ARHGEF3: variants seen among roughly 807,000 people sequenced by gnomAD.
ARHGEF3 encodes the protein 59.8 kDA protein.
In ARHGEF3, 28 loss-of-function variants were observed where a neutral mutation model predicts 63.2. The ratio of observed to expected loss-of-function variants is 0.44; its 90% confidence interval spans 0.33 to 0.61. The LOEUF (loss-of-function observed/expected upper bound fraction) is 0.61, where lower values mean the gene tolerates loss of function less well. ARHGEF3 is among the 20% of genes least tolerant of loss of function. The pLI, the probability that ARHGEF3 is intolerant of heterozygous loss-of-function variation, is 0.03. For synonymous variants in ARHGEF3, 266 were observed against 254.2 expected, an observed-to-expected ratio of 1.05 and a Z score of -0.44; for missense variants, 533 against 659.3, an observed-to-expected ratio of 0.81 and a Z score of 2.10.
At chr3:57,078,115 CTT>C (rs976472271) in intron 1 of ARHGEF3, among the ~76,000 whole-genome samples, 1 of 152,210 alleles carries the variant, frequency 6.6e-6, no homozygotes, top group Non-Finnish European at 1.5e-5. Context: ...CTATACAACT[CTT>C]TAAGGTTTGT....
intron 3 of ARHGEF3, among the ~76,000 whole-genome samples, chr3:56,899,485 A>C (rs560356725): frequency 6.6e-6 from 1 of 152,196 alleles, no homozygotes; most frequent in Non-Finnish European, 1.5e-5. Context: ...AATAGCACCT[A>C]GTTAGAATTT....
chr3:56,788,223 G>C (rs2036918107), intron 1 of ARHGEF3, among the ~76,000 whole-genome samples: 1 of 152,152 alleles, frequency 6.6e-6, no homozygotes, highest in Admixed American at 6.5e-5. Flanking sequence ...CGGGCATCCA[G>C]CATCAGGGAG....
chr3:56,966,263 T>C (rs1372988780), intron 2 of ARHGEF3, among the ~76,000 whole-genome samples: 1 of 152,122 alleles, frequency 6.6e-6, no homozygotes, highest in African/African-American at 2.4e-5. Context: ...GTATAGTGGG[T>C]ACAGAGATGA....
chr3:57,048,817 A>G (rs1355019600), intron 1 of ARHGEF3, among the ~76,000 whole-genome samples: 1 of 152,178 alleles, frequency 6.6e-6, no homozygotes, highest in Non-Finnish European at 1.5e-5. Flanking sequence ...CAGGAGGGGA[A>G]CAGCCATTGC....
chr3:56,916,460 C>T, intron 3 of ARHGEF3: 1 of 1,420,610 alleles, frequency 7.0e-7, no homozygotes, highest in Non-Finnish European at 9.2e-7. Flanking sequence ...CTCCCCGCCA[C>T]TTGGGCTGCA....
chr3:57,038,033 C>G (rs1704035189), intron 1 of ARHGEF3, among the ~76,000 whole-genome samples: 1 of 152,198 alleles, frequency 6.6e-6, no homozygotes, highest in Non-Finnish European at 1.5e-5. Flanking sequence ...ATTCTCACAC[C>G]AGCCCTAGGA....
At chr3:56,759,311 G>A (rs954679801) in intron 2 of ARHGEF3, among the ~76,000 whole-genome samples, 1 of 151,542 alleles carries the variant, frequency 6.6e-6, no homozygotes, top group South Asian at 2.1e-4. Context: ...CCAAGTAGCT[G>A]GGACTACAGG....
intron 2 of ARHGEF3, among the ~76,000 whole-genome samples, chr3:57,021,004 G>C (rs1225331406): frequency 6.6e-6 from 1 of 152,210 alleles, no homozygotes; most frequent in African/African-American, 2.4e-5. Flanking sequence ...ATTTCCTCTA[G>C]CTTCAATGCC....
At chr3:56,889,523 C>T (rs2041041211) in intron 3 of ARHGEF3, among the ~76,000 whole-genome samples, 1 of 152,116 alleles carries the variant, frequency 6.6e-6, no homozygotes, top group Non-Finnish European at 1.5e-5. Flanking sequence ...CTCCTCAGCC[C>T]GGTTTAAGTA....
chr3:56,733,500 G>C (rs573386725), intron 8 of ARHGEF3, among the ~76,000 whole-genome samples: 1 of 151,536 alleles, frequency 6.6e-6, no homozygotes, highest in South Asian at 2.1e-4. Context: ...AATTCTAAAA[G>C]ATCAAAATTA....
intron 2 of ARHGEF3, among the ~76,000 whole-genome samples, chr3:57,003,353 A>G (rs564909507): frequency 7.3e-6 from 1 of 136,346 alleles, no homozygotes; most frequent in Non-Finnish European, 1.5e-5. Context: ...CAGGGAGCTG[A>G]GATCGCACCG....
At chr3:57,072,855 G>A (rs1462942124) in intron 1 of ARHGEF3, among the ~76,000 whole-genome samples, 1 of 152,096 alleles carries the variant, frequency 6.6e-6, no homozygotes, top group East Asian at 1.9e-4. Context: ...GACCAGCCTG[G>A]CCAAGATGGT....
chr3:57,020,098 A>G (rs921381140), intron 2 of ARHGEF3, among the ~76,000 whole-genome samples: 1 of 152,174 alleles, frequency 6.6e-6, no homozygotes, highest in Non-Finnish European at 1.5e-5. Flanking sequence ...GAGTTTCACC[A>G]TGTTAGTCAG....
chr3:56,846,680 T>C (rs1415148893), intron 4 of ARHGEF3, among the ~76,000 whole-genome samples: 1 of 152,166 alleles, frequency 6.6e-6, no homozygotes, highest in Non-Finnish European at 1.5e-5. Context: ...GAACAGGACT[T>C]GTATGGACTA....
intron 2 of ARHGEF3, among the ~76,000 whole-genome samples, chr3:56,969,549 G>A (rs1300360328): frequency 6.6e-6 from 1 of 152,062 alleles, no homozygotes; most frequent in African/African-American, 2.4e-5. Context: ...GAAGTGGGCA[G>A]ACCACAAGGT....
At chr3:57,065,533 G>T (rs1365324464) in intron 1 of ARHGEF3, among the ~76,000 whole-genome samples, 1 of 152,146 alleles carries the variant, frequency 6.6e-6, no homozygotes, top group Non-Finnish European at 1.5e-5. Context: ...TGGAACTAGT[G>T]GTGATATCTG....
chr3:56,933,073 A>G (rs995077739), intron 3 of ARHGEF3, among the ~76,000 whole-genome samples: 8 of 152,236 alleles, frequency 5.3e-5, no homozygotes, highest in Non-Finnish European at 1.0e-4. Context: ...ACAGAGATGC[A>G]TGCAAAATAA....
At chr3:56,908,863 T>A (rs1299364973) in intron 3 of ARHGEF3, among the ~76,000 whole-genome samples, 1 of 152,170 alleles carries the variant, frequency 6.6e-6, no homozygotes. Flanking sequence ...ACTGGGTATA[T>A]ACCCAAAGGA....
chr3:57,002,479 T>TATATTTTATA (rs1285310560), intron 2 of ARHGEF3, among the ~76,000 whole-genome samples: 3 of 39,472 alleles, frequency 7.6e-5, no homozygotes, highest in Non-Finnish European at 1.2e-4. Flanking sequence ...TATATATATG[T>TATATTTTATA]TATATATATA....
Sources: gnomAD v4.1 joint callset for allele counts (sites outside exome capture counted in the v4.1 genomes callset) on GRCh38, gnomAD v4.1.1 for gene constraint, MANE v1.5 for transcripts, NCBI Gene and HGNC (gene_info 2026-07-23, HGNC 2026-07-21) for gene names.